The following COG6 variants were observed in gnomAD, a reference collection of about 807,000 sequenced individuals.
The protein encoded by COG6 is component of oligomeric golgi complex 6, also known as conserved oligomeric Golgi complex subunit 6.
COG6 carries 74 observed loss-of-function variants against 88.8 expected under a neutral mutation model. The ratio of observed to expected loss-of-function variants is 0.83; its 90% CI spans 0.69 to 1.01. The LOEUF (loss-of-function observed/expected upper bound fraction) is 1.01, where lower values mean the gene tolerates loss of function less well. Ranked by LOEUF, COG6 falls within the 50% of genes least tolerant of loss-of-function variation. COG6 has a pLI of 0.00. For synonymous variants in COG6, 286 were observed against 278.7 expected (o/e 1.03, Z -0.26); for missense variants, 800 against 797.9 (o/e 1.00, Z -0.03).
Position 39,751,520 on chromosome 13 carries a change from T to A in COG6, c.*427T>A, listed in dbSNP as rs757389439. The A allele has an allele frequency of 4.7e-6, 6 of 1,284,682 alleles. No individual in the cohort carries two copies. In the South Asian group the frequency reaches 7.4e-5, roughly 16 times the overall value. 79.6% of individuals were successfully genotyped at this position (1,284,682 alleles called of 1,614,324 possible). On this transcript the variant is annotated 3_prime_UTR_variant, in exon 19 of 19. Coordinates refer to ENST00000455146, the MANE Select transcript of COG6 (RefSeq NM_020751.3). ...TTACCTAAAGATTCATTTGCTTTCT[T>A]TTAATATGAGTAGGCATACTTAGTA...
At chr13:39,747,989 A>G (rs561188729) in intron 18 of COG6, among the ~76,000 whole-genome samples, 153 of 152,318 alleles carry the variant, frequency 1.0e-3, no homozygotes, top group African/African-American at 3.2e-3. Context: ...ATGAGAAGGA[A>G]TAGCCTTATT....
chr13:39,660,733 A>C, intron 2 of COG6, 77 bp from the exon 3 acceptor site: 2 of 969,100 alleles, frequency 2.1e-6, no homozygotes, highest in Non-Finnish European at 3.3e-6. Flanking sequence ...TGTAACTAAA[A>C]TAAGGATTTA....
intron 18 of COG6, among the ~76,000 whole-genome samples, chr13:39,737,253 C>T (rs183498112): frequency 1.1e-3 from 165 of 152,196 alleles, no homozygotes; most frequent in African/African-American, 3.3e-3. Flanking sequence ...ACTGGTACTG[C>T]GCTGGGTGAG....
chr13:39,765,191 C>G (rs1262524337), intron 18 of COG6, among the ~76,000 whole-genome samples: 1 of 152,126 alleles, frequency 6.6e-6, no homozygotes, highest in African/African-American at 2.4e-5. Context: ...CTGCCATGCC[C>G]TCTGATATCT....
intron 3 of COG6, among the ~76,000 whole-genome samples, chr13:39,662,247 C>G (rs1403669892): frequency 6.6e-6 from 1 of 150,822 alleles, no homozygotes. Context: ...CTGCCTCAGC[C>G]TCCCAAGTAG....
chr13:39,755,398 C>A (rs1880800128), downstream of COG6, among the ~76,000 whole-genome samples: 1 of 152,032 alleles, frequency 6.6e-6, no homozygotes, highest in Non-Finnish European at 1.5e-5. Context: ...AAAAAACCGG[C>A]CTTTATCTTG....
chr13:39,758,218 C>CAAA (rs34210362), intron 18 of COG6, among the ~76,000 whole-genome samples: 45 of 55,754 alleles, frequency 8.1e-4, no homozygotes, highest in African/African-American at 1.1e-3. Flanking sequence ...GATGCCTTCT[C>CAAA]AAAAAAAAAA....
chr13:39,716,142 G>A (rs1386011909), intron 13 of COG6, among the ~76,000 whole-genome samples: 2 of 151,820 alleles, frequency 1.3e-5, no homozygotes, highest in East Asian at 3.9e-4. Context: ...AATTTTGTAA[G>A]TTTTGGCTTT....
intron 18 of COG6, among the ~76,000 whole-genome samples, chr13:39,761,223 T>C (rs571973788): frequency 5.3e-5 from 8 of 152,122 alleles, no homozygotes; most frequent in Admixed American, 3.3e-4. Context: ...TAAGAAAACT[T>C]TGGTGTTTAT....
intron 11 of COG6, among the ~76,000 whole-genome samples, chr13:39,690,368 A>C (rs1283553299): frequency 2.6e-5 from 4 of 152,032 alleles, no homozygotes; most frequent in Non-Finnish European, 5.9e-5. Context: ...ACTCTTCTGC[A>C]CCTGAATTAT....
At chr13:39,656,065 C>T (rs987781096) in intron 1 of COG6, 186 bp downstream of exon 1, 57 of 764,336 alleles carry the variant, frequency 7.5e-5, no homozygotes, top group Middle Eastern at 4.5e-4. Context: ...GGAGCCCCAG[C>T]AACCTCCGGA....
intron 1 of COG6, chr13:39,656,784 T>C (rs1034177625): frequency 4.0e-5 from 18 of 455,292 alleles, no homozygotes; most frequent in Admixed American, 7.1e-5. Flanking sequence ...GTGTGCATCA[T>C]GATTTGAGTA....
rs773641894 is a variant in COG6 at position 39,751,145 on chromosome 13, G to T, written c.*52G>T. On this transcript the variant is annotated 3_prime_UTR_variant, in exon 19 of 19. Coordinates refer to ENST00000455146, the MANE Select transcript of COG6 (RefSeq NM_020751.3). ...ATATGACCTCCCTAAAACACTGAAG[G>T]TTATTTTTTATTCTTTGAATTTTTA... 18 of 1,602,272 alleles carry T rather than the reference G, an allele frequency of 1.1e-5. No homozygotes were observed. The highest frequency in any genetic ancestry group is 1.7e-4 in the Middle Eastern group (1 of 6,054).
chr13:39,677,327 G>T (rs1876031726), intron 4 of COG6, 141 bp from the exon 5 acceptor site: 3 of 650,698 alleles, frequency 4.6e-6, no homozygotes, highest in Non-Finnish European at 2.8e-6. Flanking sequence ...AATATTTGAG[G>T]CAGAAACAAG....
At chr13:39,683,491 TATTGA>T (rs1876441003) in intron 8 of COG6, among the ~76,000 whole-genome samples, 1 of 152,214 alleles carries the variant, frequency 6.6e-6, no homozygotes, top group Non-Finnish European at 1.5e-5. Context: ...TTGCACTGGC[TATTGA>T]ATTAGGAGCA....
At chr13:39,765,164 C>T (rs537962204) in intron 18 of COG6, among the ~76,000 whole-genome samples, 49 of 152,216 alleles carry the variant, frequency 3.2e-4, no homozygotes, top group African/African-American at 1.1e-3. Flanking sequence ...AAAAAAGAGT[C>T]GCTAAGAGAC....
intron 18 of COG6, among the ~76,000 whole-genome samples, chr13:39,773,693 A>G (rs2138179834): frequency 6.6e-6 from 1 of 152,296 alleles, no homozygotes; most frequent in African/African-American, 2.4e-5. Flanking sequence ...TTGAGGAAAT[A>G]GGTTAATTAT....
intron 18 of COG6, among the ~76,000 whole-genome samples, chr13:39,747,413 G>A (rs1367284664): frequency 1.3e-5 from 2 of 152,130 alleles, no homozygotes. Flanking sequence ...GCCAGGAGGA[G>A]CAGTTCCTTA....
chr13:39,691,689 G>C (rs756146697), intron 11 of COG6, among the ~76,000 whole-genome samples: 2 of 151,468 alleles, frequency 1.3e-5, no homozygotes, highest in African/African-American at 4.8e-5. Context: ...TTTTTTTTCT[G>C]TATGACCTTA....
Sources: gnomAD v4.1 joint callset for allele counts (sites outside exome capture counted in the v4.1 genomes callset) on GRCh38, gnomAD v4.1.1 for gene constraint, MANE v1.5 for transcripts, NCBI Gene and HGNC (gene_info 2026-07-23, HGNC 2026-07-21) for gene names.